FBLN7: variants seen among roughly 807,000 people sequenced by gnomAD.
FBLN7 encodes fibulin-7.
Under a neutral mutation model 44.0 loss-of-function variants are expected in FBLN7, and 31 were observed. That is an observed-to-expected ratio of 0.70 (90% CI 0.53 to 0.95). FBLN7 has a LOEUF of 0.95. Among genes scored for constraint, FBLN7 ranks in the 40% least tolerant of loss-of-function variants. The pLI, the probability that FBLN7 is intolerant of heterozygous loss-of-function variation, is 0.00. For synonymous variants in FBLN7, 262 were observed against 253.4 expected (o/e 1.03, Z -0.32); for missense variants, 573 against 618.5 (o/e 0.93, Z 0.78).
At chr2:112,206,663 G>A in the FBLN7 span, among the ~76,000 whole-genome samples, 1 of 151,346 alleles carries the variant, frequency 6.6e-6, no homozygotes, top group Admixed American at 6.6e-5. Context: ...CCTGCCCTTG[G>A]CCTCCCAAAG....
downstream of FBLN7, chr2:112,188,355 T>G (rs72831633): frequency 0.1 from 15,589 of 152,250 alleles, 1,073 homozygotes; most frequent in Non-Finnish European, 0.14. Context: ...CTGTTCCACA[T>G]TATAAATTTG....
intron 1 of FBLN7, among the ~76,000 whole-genome samples, chr2:112,148,317 G>A (rs1047373464): frequency 1.3e-5 from 2 of 152,238 alleles, no homozygotes; most frequent in Non-Finnish European, 2.9e-5. Context: ...AGCACCAGGA[G>A]TGTTCACTAA....
intron 4 of FBLN7, among the ~76,000 whole-genome samples, chr2:112,180,922 C>CAAAAAAAAAAAAAA (rs60214148): frequency 1.3e-5 from 1 of 74,310 alleles, no homozygotes; most frequent in Non-Finnish European, 2.4e-5. Context: ...GACTCTGTCT[C>CAAAAAAAAAAAAAA]AAAAAAAAAA....
At chr2:112,160,786 G>A (rs7423855) in intron 2 of FBLN7, among the ~76,000 whole-genome samples, 6 of 100,738 alleles carry the variant, frequency 6.0e-5, no homozygotes, top group South Asian at 6.0e-4. Flanking sequence ...GCACACGCAC[G>A]CACACGCACA....
At chr2:112,221,658 A>G in the FBLN7 span, among the ~76,000 whole-genome samples, 1 of 152,062 alleles carries the variant, frequency 6.6e-6, no homozygotes, top group Non-Finnish European at 1.5e-5. Flanking sequence ...GATTCTGCTG[A>G]TAAGACTTGA....
At chr2:112,242,240 G>C in the FBLN7 span, among the ~76,000 whole-genome samples, 1 of 152,164 alleles carries the variant, frequency 6.6e-6, no homozygotes. Flanking sequence ...CACAAGCTAA[G>C]AATGAACTTT....
At chr2:112,143,592 A>G (rs1175531832) in intron 1 of FBLN7, among the ~76,000 whole-genome samples, 1 of 152,098 alleles carries the variant, frequency 6.6e-6, no homozygotes, top group Non-Finnish European at 1.5e-5. Flanking sequence ...ATGTGTGGCA[A>G]CCACCACCAC....
intron 1 of FBLN7, among the ~76,000 whole-genome samples, chr2:112,144,374 T>C (rs2104536451): frequency 6.6e-6 from 1 of 152,362 alleles, no homozygotes; most frequent in South Asian, 2.1e-4. Context: ...TCAAAAAGCA[T>C]GTTTCTGTAA....
chr2:112,205,194 A>C, the FBLN7 span, among the ~76,000 whole-genome samples: 1 of 152,130 alleles, frequency 6.6e-6, no homozygotes, highest in Non-Finnish European at 1.5e-5. Flanking sequence ...TGGCTATAGT[A>C]AAATAAATAT....
At chr2:112,242,293 T>C in the FBLN7 span, among the ~76,000 whole-genome samples, 1 of 152,214 alleles carries the variant, frequency 6.6e-6, no homozygotes. Context: ...CAAAAGAATA[T>C]TTCATGACAC....
chr2:112,160,688 ACACGCACACACG>A lies in FBLN7; in HGVS notation c.235+865_235+876del, dbSNP rs1323659944. 1.4e-3 allele frequency among the ~76,000 whole-genome samples: 183 copies of A among 128,496 alleles called. 1 individual carries two copies. Among genetic ancestry groups the A allele is most frequent in the African/African-American group, 4.7e-3 (151 of 31,826 alleles). 84.3% of individuals were successfully genotyped at this position (128,496 alleles called of 152,430 possible). ...CGCACACGCACACGCAGACGCACGC[ACACGCACACACG>A]CACGCACACACACAAGCACGCGCAC... On this transcript the variant is annotated intron_variant, in intron 2 of 7. Coordinates refer to ENST00000331203, the MANE Select transcript of FBLN7 (RefSeq NM_153214.3).
At chr2:112,161,119 C>A (rs1382138643) in intron 2 of FBLN7, among the ~76,000 whole-genome samples, 1 of 152,206 alleles carries the variant, frequency 6.6e-6, no homozygotes, top group African/African-American at 2.4e-5. Context: ...GCTTTCACAC[C>A]GCCAAGACCC....
chr2:112,202,905 G>T, the FBLN7 span, among the ~76,000 whole-genome samples: 1 of 152,054 alleles, frequency 6.6e-6, no homozygotes, highest in Admixed American at 6.6e-5. Flanking sequence ...TACCTTCTCA[G>T]GGCTTAGACT....
At chr2:112,238,306 G>A in the FBLN7 span, 424 of 1,609,574 alleles carry the variant, frequency 2.6e-4, 2 homozygotes, top group African/African-American at 4.9e-3. Flanking sequence ...AAAATAGTTT[G>A]ACTCTTACCC....
intron 2 of FBLN7, among the ~76,000 whole-genome samples, chr2:112,160,682 G>T (rs62158708): frequency 7.4e-6 from 1 of 134,460 alleles, no homozygotes; most frequent in Non-Finnish European, 1.6e-5. Flanking sequence ...ACACGCAGAC[G>T]CACGCACACG....
intron 3 of FBLN7, among the ~76,000 whole-genome samples, chr2:112,166,869 G>A (rs927430386): frequency 3.0e-4 from 46 of 152,140 alleles, no homozygotes; most frequent in African/African-American, 1.1e-3. Flanking sequence ...CCTCTCTGGG[G>A]TGCACCCCCA....
At chr2:112,152,900 A>G (rs751975578) in intron 1 of FBLN7, 7 of 152,150 alleles carry the variant, frequency 4.6e-5, no homozygotes, top group Admixed American at 3.9e-4. Flanking sequence ...CTCTCTCCAT[A>G]TATTAATAAG....
In FBLN7 at chr2:112,159,895, G is replaced by A. The variant is rs904315191; in HGVS notation, c.235+60G>A. 2.6e-5 allele frequency: 36 copies of A among 1,376,668 alleles called. No individual in the cohort carries two copies. In the Admixed American group the frequency reaches 7.8e-4, roughly 30 times the overall value. 85.3% of individuals were successfully genotyped at this position (1,376,668 alleles called of 1,614,324 possible). ...CGCAGCACTCGAGCACTCTCCCCGA[G>A]ACGCTCCCAGCTGGAGGCCCCTCGT... On this transcript the variant is annotated intron_variant, in intron 2 of 7. Coordinates refer to ENST00000331203, the MANE Select transcript of FBLN7 (RefSeq NM_153214.3).
intron 1 of FBLN7, among the ~76,000 whole-genome samples, chr2:112,141,125 G>A (rs999332384): frequency 1.3e-5 from 2 of 152,212 alleles, no homozygotes; most frequent in East Asian, 1.9e-4. Context: ...GGTGGGCAGC[G>A]GAGAGCCTGC....
Sources: allele counts gnomAD v4.1 joint callset (sites outside exome capture counted in the v4.1 genomes callset), GRCh38; gene constraint gnomAD v4.1.1; transcripts MANE v1.5; gene names NCBI Gene and HGNC (gene_info 2026-07-23, HGNC 2026-07-21).